CPLANE1: variants seen among roughly 807,000 people sequenced by gnomAD.
CPLANE1 encodes the protein ciliogenesis and planar polarity effector complex subunit 1, also known as ciliogenesis and planar polarity effector 1.
Under a neutral mutation model 362.5 loss-of-function variants are expected in CPLANE1, and 263 were observed. That is an observed-to-expected ratio of 0.73 (90% CI 0.66 to 0.80). The LOEUF (loss-of-function observed/expected upper bound fraction) is 0.80, where lower values mean the gene tolerates loss of function less well. CPLANE1 is among the 30% of genes least tolerant of loss of function. The pLI, the probability that CPLANE1 is intolerant of heterozygous loss-of-function variation, is 0.00. For synonymous variants in CPLANE1, 1,212 were observed against 1,302.6 expected (o/e 0.93, Z 1.50); for missense variants, 3,461 against 3,793.4 (o/e 0.91, Z 2.30).
At chr5:37,210,599 T>G in intron 16 of CPLANE1, 1 of 1,594,202 alleles carries the variant, frequency 6.3e-7, no homozygotes, top group Non-Finnish European at 8.6e-7. Context: ...AATTAGAGTC[T>G]GTCAAAGCCC....
At chr5:37,192,105 G>A (rs1580593392) in intron 21 of CPLANE1, among the ~76,000 whole-genome samples, 1 of 152,090 alleles carries the variant, frequency 6.6e-6, no homozygotes, top group East Asian at 1.9e-4. Flanking sequence ...CTTTTATACT[G>A]TATTTTTACT....
At chr5:37,087,188 G>C in the CPLANE1 span, among the ~76,000 whole-genome samples, 2 of 152,116 alleles carry the variant, frequency 1.3e-5, no homozygotes, top group African/African-American at 4.8e-5. Flanking sequence ...AGAATGCTGG[G>C]AACAAGTGGG....
the CPLANE1 span, among the ~76,000 whole-genome samples, chr5:37,100,506 C>T: frequency 2.6e-5 from 4 of 152,320 alleles, no homozygotes; most frequent in South Asian, 4.1e-4. Context: ...GTTTTGGTTA[C>T]TGTAGCTTTG....
intron 44 of CPLANE1, chr5:37,141,826 A>T (rs1216697891): frequency 2.1e-6 from 2 of 955,480 alleles, no homozygotes; most frequent in Admixed American, 1.2e-4. Flanking sequence ...GTGGCACTAA[A>T]TCCTTCTAAA....
intron 33 of CPLANE1, 94 bp from the exon 34 acceptor site, chr5:37,169,655 T>G: frequency 9.7e-7 from 1 of 1,027,780 alleles, no homozygotes; most frequent in Non-Finnish European, 1.4e-6. Context: ...GTGGGTAGAA[T>G]GTAGTAACTG....
At chr5:37,225,852 C>CAA (rs70976285) in intron 12 of CPLANE1, among the ~76,000 whole-genome samples, 808 of 54,056 alleles carry the variant, frequency 0.015, 4 homozygotes, top group African/African-American at 0.022. Flanking sequence ...TACTCCATCT[C>CAA]AAAAAAAAAA....
chr5:37,238,354 A>AT (rs1444790253), intron 8 of CPLANE1, among the ~76,000 whole-genome samples: 8 of 145,284 alleles, frequency 5.5e-5, no homozygotes, highest in East Asian at 2.0e-4. Flanking sequence ...TTTTTTTTGT[A>AT]TTTTTTTTAG....
chr5:37,237,301 A>G (rs914791908), intron 8 of CPLANE1, among the ~76,000 whole-genome samples: 2 of 152,228 alleles, frequency 1.3e-5, no homozygotes, highest in Admixed American at 1.3e-4. Flanking sequence ...TTGCAGTAAC[A>G]TGGATGGAAC....
chr5:37,082,601 T>C, the CPLANE1 span, among the ~76,000 whole-genome samples: 1 of 152,034 alleles, frequency 6.6e-6, no homozygotes, highest in African/African-American at 2.4e-5. Flanking sequence ...TAATAAAAAA[T>C]GAAAACTTCC....
intron 46 of CPLANE1, among the ~76,000 whole-genome samples, chr5:37,136,599 T>A (rs1767781605): frequency 6.6e-6 from 1 of 152,222 alleles, no homozygotes; most frequent in Admixed American, 6.5e-5. Context: ...AACCCCACAT[T>A]TCCCTCCCAC....
At position 37,180,158 on chromosome 5, in the gene CPLANE1, G is replaced by A; in HGVS notation, c.5596C>T (p.Pro1866Ser). The change falls in exon 28 of 53, where the codon CCT (proline) becomes TCT (serine). Residue 1866 changes from proline to serine, a missense_variant. Pro to Ser is a moderately conservative substitution (Grantham distance 74). Around this residue, in one of 2 missense-constraint regions of CPLANE1, gnomAD observed 3,380 missense variants for 3,666.1 expected, o/e 0.92. Coordinates refer to ENST00000651892, the MANE Select transcript of CPLANE1 (RefSeq NM_001384732.1). ...LNRMPTEAKN[P>S]DIKEINDDII... ...TCATCATTGATTTCTTTTATATCAG[G>A]ATTTTTTGCTTCAGTTGGCATTCTA... The A allele has an allele frequency of 6.6e-7, 1 of 1,516,592 alleles. No individual in the cohort carries two copies. The highest frequency in any genetic ancestry group is 8.8e-7 in the Non-Finnish European group (1 of 1,133,098). The allele number at this position is 1,516,592 out of a possible 1,614,324, so 93.9% of individuals were successfully genotyped here.
chr5:37,208,249 T>C (rs1033076327), intron 16 of CPLANE1, among the ~76,000 whole-genome samples: 5 of 152,240 alleles, frequency 3.3e-5, no homozygotes, highest in Admixed American at 1.3e-4. Flanking sequence ...CCAGCCCTCC[T>C]CCTCTAGTTT....
rs908372887 is a variant in CPLANE1 at position 37,213,715 on chromosome 5, A to T, written c.2764T>A (p.Phe922Ile). 24 of 1,513,260 alleles carry T rather than the reference A, an allele frequency of 1.6e-5. No homozygotes were observed. The highest frequency in any genetic ancestry group is 6.2e-5 in the Admixed American group (3 of 48,410). The allele number at this position is 1,513,260 out of a possible 1,614,324, so 93.7% of individuals were successfully genotyped here. ...KDFSGAAKSH[F>I]ECGMVGGVHP... ...ACACCGCCCACCATTCCACACTCAA[A>T]ATGAGACTTTGCAGCACCTAAGGAA... Residue 922 changes from phenylalanine to isoleucine, a missense_variant, in exon 16 of 53, where the codon TTT becomes ATT. Phe to Ile is a conservative substitution (Grantham distance 21). Coordinates refer to ENST00000651892, the MANE Select transcript of CPLANE1 (RefSeq NM_001384732.1).
intron 42 of CPLANE1, among the ~76,000 whole-genome samples, chr5:37,153,309 T>A (rs1381585703): frequency 6.6e-6 from 1 of 152,156 alleles, no homozygotes; most frequent in Non-Finnish European, 1.5e-5. Context: ...ATAGTACCAA[T>A]CCTATAAAAA....
chr5:37,142,684 A>C lies in CPLANE1; in HGVS notation c.8462-204T>G, dbSNP rs552539030. ...CCACAGTAAATAAACAAGATTTATT[A>C]GACTGAGCTGAAGTACATAGGCCTA... On this transcript the variant is annotated intron_variant, in intron 43 of 52. Transcript: ENST00000651892. 1.3e-5 allele frequency: 5 copies of C among 380,118 alleles called. No individual in the cohort carries two copies. In the Admixed American group the frequency reaches 2.2e-4, roughly 17 times the overall value. 23.5% of individuals were successfully genotyped at this position (380,118 alleles called of 1,614,324 possible).
At chr5:37,207,764 A>G (rs950123225) in intron 16 of CPLANE1, among the ~76,000 whole-genome samples, 33 of 152,182 alleles carry the variant, frequency 2.2e-4, no homozygotes, top group Non-Finnish European at 8.8e-5. Flanking sequence ...TTGTACATAC[A>G]TATGTATCTG....
In CPLANE1 at chr5:37,120,303, G is replaced by A; in HGVS notation, c.9223C>T (p.Pro3075Ser). The change falls in exon 50 of 53, where the codon CCT (proline) becomes TCT (serine). Residue 3075 changes from proline (P) to serine (S), a missense_variant. Physicochemically the swap from Pro to Ser is moderately conservative, Grantham distance 74. Transcript: ENST00000651892. ...QHGHSFLINR[P>S]GKVKYMSKPS... ...TTGGACATATATTTGACTTTTCCAG[G>A]TCGATTTATTAGAAAACTGTGACCA... is the stretch of plus-strand genomic sequence containing the variant. 2 of 1,594,216 alleles carry A rather than the reference G, an allele frequency of 1.3e-6. No homozygotes were observed. The highest frequency in any genetic ancestry group is 2.3e-5 in the East Asian group (1 of 44,264).
At chr5:37,086,555 T>C in the CPLANE1 span, among the ~76,000 whole-genome samples, 18 of 152,258 alleles carry the variant, frequency 1.2e-4, no homozygotes, top group Non-Finnish European at 2.6e-4. Context: ...GTAGTTTATC[T>C]AAATAGCTTG....
At chr5:37,145,253 T>C (rs966513163) in intron 43 of CPLANE1, among the ~76,000 whole-genome samples, 1 of 152,024 alleles carries the variant, frequency 6.6e-6, no homozygotes, top group Non-Finnish European at 1.5e-5. Context: ...TGCAGTGAGC[T>C]GAGATCACAC....
Sources: gnomAD v4.1 joint callset for allele counts (sites outside exome capture counted in the v4.1 genomes callset) on GRCh38, gnomAD v4.1.1 for gene constraint, gnomAD v4.1.1 regional missense constraint, MANE v1.5 for transcripts, NCBI Gene and HGNC (gene_info 2026-07-23, HGNC 2026-07-21) for gene names.